The following KIAA0408 variants were observed in gnomAD, a reference collection of about 807,000 sequenced individuals.
KIAA0408 encodes the protein KIAA0408.
A neutral mutation model predicts 60.9 loss-of-function variants in KIAA0408; 51 were observed. That is an observed-to-expected ratio of 0.84 (90% CI 0.67 to 1.06). The LOEUF (loss-of-function observed/expected upper bound fraction) is 1.06, where lower values mean the gene tolerates loss of function less well. Among genes scored for constraint, KIAA0408 ranks in the 50% least tolerant of loss-of-function variants. KIAA0408 has a pLI of 0.00. For synonymous variants in KIAA0408, 304 were observed against 282.4 expected (o/e 1.08, Z -0.77); for missense variants, 787 against 833.9 (o/e 0.94, Z 0.69).
At position 127,459,325 on chromosome 6, in the gene KIAA0408, C is replaced by G. The variant is rs959524295; in HGVS notation, c.-271G>C. 1.3e-5 allele frequency: 2 copies of G among 152,196 alleles called. No homozygotes were observed. The highest frequency in any genetic ancestry group is 6.5e-5 in the Admixed American group (1 of 15,272). The allele number at this position is 152,196 out of a possible 1,614,324, so 9.4% of individuals were successfully genotyped here. ...AAAGGGGATGCAAAATAAGTCCAAC[C>G]ATTCCACAGAGCAGTACTGACAAGT... is the stretch of plus-strand genomic sequence containing the variant. On this transcript the variant is annotated 5_prime_UTR_variant, in exon 1 of 6. It removes an upstream start codon present in the reference 5' UTR. Transcript: ENST00000483725.
Position 127,447,503 on chromosome 6 carries a change from G to T in KIAA0408, c.816C>A (p.Ser272Arg). 1 of 1,612,328 alleles carries T rather than the reference G, an allele frequency of 6.2e-7. No homozygotes were observed. Among genetic ancestry groups the T allele is most frequent in the Non-Finnish European group, 8.5e-7 (1 of 1,179,550 alleles). ...NETPPVPPPR[S>R]TSRNFPSSDS... The stretch of plus-strand genomic sequence containing the variant: ...CCGAGCTGGGAAAATTTCGAGAGGT[G>T]CTTCTTGGAGGAGGAACTGGTGGAG... The change falls in exon 5 of 6, where the codon AGC (serine) becomes AGA (arginine). Residue 272 changes from serine (S) to arginine (R), a missense_variant. Ser to Arg is a moderately radical substitution (Grantham distance 110). Coordinates refer to ENST00000483725, the MANE Select transcript of KIAA0408 (RefSeq NM_014702.5).
At chr6:127,452,784 TCC>T (rs1773323516) in intron 2 of KIAA0408, among the ~76,000 whole-genome samples, 2 of 152,080 alleles carry the variant, frequency 1.3e-5, no homozygotes, top group Non-Finnish European at 2.9e-5. Context: ...GTTGATCCAA[TCC>T]GAGTATGGGT....
At chr6:127,444,375 G>T in intron 5 of KIAA0408, 93 bp from the exon 6 acceptor site, 2 of 960,368 alleles carry the variant, frequency 2.1e-6, no homozygotes, top group Non-Finnish European at 2.9e-6. Context: ...TAGTCCGTTA[G>T]TAAATTTACA....
chr6:127,452,116 A>G (rs1294307286), intron 2 of KIAA0408, among the ~76,000 whole-genome samples: 3 of 152,174 alleles, frequency 2.0e-5, no homozygotes, highest in Non-Finnish European at 2.9e-5. Flanking sequence ...GCATCTTAAT[A>G]GCCAACACTG....
chr6:127,442,253 T>A lies in KIAA0408; in HGVS notation c.*1856A>T, dbSNP rs186472469. 18 of 152,240 alleles carry A rather than the reference T, an allele frequency of 1.2e-4. No homozygotes were observed. Among genetic ancestry groups the A allele is most frequent in the African/African-American group, 4.1e-4 (17 of 41,452 alleles). The allele number at this position is 152,240 out of a possible 1,614,324, so 9.4% of individuals were successfully genotyped here. On this transcript the variant is annotated 3_prime_UTR_variant, in exon 6 of 6. Coordinates refer to ENST00000483725, the MANE Select transcript of KIAA0408 (RefSeq NM_014702.5). ...TCATACCAGACTACTTGGGATACAC[T>A]GGTGGAGAGGAACAGATAGGTTGCA...
chr6:127,447,823 G>GT (rs1476309119), intron 4 of KIAA0408, 83 bp from the exon 5 acceptor site: 1 of 1,434,260 alleles, frequency 7.0e-7, no homozygotes, highest in Middle Eastern at 2.0e-4. Flanking sequence ...AAAGCAATGA[G>GT]TTTCTGCTAT....
chr6:127,449,123 G>T (rs557720422), intron 4 of KIAA0408, among the ~76,000 whole-genome samples: 1 of 152,076 alleles, frequency 6.6e-6, no homozygotes, highest in African/African-American at 2.4e-5. Context: ...TAAGCAAAAC[G>T]CCACACTGTT....
chr6:127,447,810 G>T, intron 4 of KIAA0408, 70 bp from the exon 5 acceptor site: 1 of 1,455,880 alleles, frequency 6.9e-7, no homozygotes, highest in South Asian at 1.6e-5. Flanking sequence ...AGCAAACATA[G>T]CTAAAGCAAT....
In KIAA0408 at chr6:127,443,881, C is replaced by A; in HGVS notation, c.*228G>T. ...TATACAATATTGTACATTGTTTCAACTTATATTGTATTGGAAAACTAATGA... is the reference window on the plus strand; with the variant it reads ...TATACAATATTGTACATTGTTTCAAATTATATTGTATTGGAAAACTAATGA... On this transcript the variant is annotated 3_prime_UTR_variant, in exon 6 of 6. Transcript: ENST00000483725. 6.0e-6 allele frequency: 3 copies of A among 500,880 alleles called. No homozygotes were observed. In the South Asian group the frequency reaches 6.9e-5, roughly 12 times the overall value. 31.0% of individuals were successfully genotyped at this position (500,880 alleles called of 1,614,324 possible). A position where few individuals can be genotyped will look rare whatever the true frequency, so the allele number is the denominator to read the frequency against.
In KIAA0408 at chr6:127,447,074, T is replaced by TA. The variant is rs2114792921; in HGVS notation, c.1244dup (p.Ala416SerfsTer5). The TA allele has an allele frequency of 6.2e-7, 1 of 1,613,926 alleles. No homozygotes were observed. Among genetic ancestry groups the TA allele is most frequent in the East Asian group, 2.2e-5 (1 of 44,886 alleles). On this transcript the variant is annotated frameshift_variant, in exon 5 of 6. Coordinates refer to ENST00000483725, the MANE Select transcript of KIAA0408 (RefSeq NM_014702.5). LOFTEE classifies it high-confidence loss of function. ...TTCTAAGTGGGCTACTGCTCTCTGC[T>TA]ACTGAGGAGCTACAGTCATTACTTA... is the stretch of plus-strand genomic sequence containing the variant.
chr6:127,458,518 A>G (rs2114810309), intron 1 of KIAA0408, among the ~76,000 whole-genome samples: 1 of 152,340 alleles, frequency 6.6e-6, no homozygotes, highest in African/African-American at 2.4e-5. Context: ...TCCAAGCTGT[A>G]TGCACACTGA....
Position 127,440,198 on chromosome 6 carries a change from G to A in KIAA0408, c.*3911C>T, listed in dbSNP as rs1030463408. ...TGAATATGCATACAATAAAAATGACGAGAAATCATTTTTGGTACTTGTCTG... is the reference window on the plus strand; with the variant it reads ...TGAATATGCATACAATAAAAATGACAAGAAATCATTTTTGGTACTTGTCTG... On this transcript the variant is annotated 3_prime_UTR_variant, in exon 6 of 6. Transcript: ENST00000483725. 1 of 151,946 alleles carries A rather than the reference G, an allele frequency of 6.6e-6. No homozygotes were observed. Among genetic ancestry groups the A allele is most frequent in the Non-Finnish European group, 1.5e-5 (1 of 67,986 alleles). 9.4% of individuals were successfully genotyped at this position (151,946 alleles called of 1,614,324 possible).
In KIAA0408 at chr6:127,447,151, A is replaced by G. The variant is rs778104905; in HGVS notation, c.1168T>C (p.Tyr390His). Residue 390 changes from tyrosine (Y) to histidine (H), a missense_variant, in exon 5 of 6, where the codon TAT (tyrosine) becomes CAT (histidine). Around this residue, in one of 3 missense-constraint regions of KIAA0408, gnomAD observed 640 missense variants for 681.3 expected, o/e 0.94. Coordinates refer to ENST00000483725, the MANE Select transcript of KIAA0408 (RefSeq NM_014702.5). Reference sequence around the variant, plus strand: ...GGGTGATCTGGGATCACCATTTCATATTTTGGATTACTGGGGGTAGAGCAG... The same window carrying G: ...GGGTGATCTGGGATCACCATTTCATGTTTTGGATTACTGGGGGTAGAGCAG... ...KTCSTPSNPK[Y>H]EMVIPDHPAK... The G allele has an allele frequency of 1.2e-5, 19 of 1,613,622 alleles. No homozygotes were observed. Among genetic ancestry groups the G allele is most frequent in the Admixed American group, 1.7e-5 (1 of 59,948 alleles).
chr6:127,446,278 A>C (rs1773191378), intron 5 of KIAA0408, 130 bp downstream of exon 5: 1 of 1,439,976 alleles, frequency 6.9e-7, no homozygotes, highest in Admixed American at 2.3e-5. Context: ...ATTTACAAAC[A>C]GGGTCAAGAG....
At chr6:127,451,124 T>G in intron 2 of KIAA0408, 1 of 342,482 alleles carries the variant, frequency 2.9e-6, no homozygotes, top group East Asian at 7.7e-5. Context: ...AATGGCTTTC[T>G]CTTTAGGCTT....
intron 2 of KIAA0408, among the ~76,000 whole-genome samples, chr6:127,453,577 T>A (rs1395442113): frequency 6.6e-6 from 1 of 152,064 alleles, no homozygotes; most frequent in Non-Finnish European, 1.5e-5. Flanking sequence ...TACCTCACTT[T>A]TGATAAAAAA....
chr6:127,454,143 T>C, intron 1 of KIAA0408, 42 bp from the exon 2 acceptor site: 1 of 1,292,310 alleles, frequency 7.7e-7, no homozygotes, highest in Non-Finnish European at 9.8e-7. Flanking sequence ...ATCCATGTGC[T>C]TTCTGGAAAT....
chr6:127,445,317 T>C (rs2114789425), intron 5 of KIAA0408, among the ~76,000 whole-genome samples: 1 of 152,304 alleles, frequency 6.6e-6, no homozygotes, highest in South Asian at 2.1e-4. Context: ...AGAATTTTGT[T>C]TGGTTATTGT....
Position 127,447,555 on chromosome 6 carries a change from T to A in KIAA0408, c.764A>T (p.Asp255Val). 1.9e-6 allele frequency: 3 copies of A among 1,611,312 alleles called. No individual in the cohort carries two copies. The highest frequency in any genetic ancestry group is 2.5e-6 in the Non-Finnish European group (3 of 1,179,282). The change falls in exon 5 of 6, where the codon GAT becomes GTT. Residue 255 changes from aspartate (D) to valine (V), a missense_variant. Transcript: ENST00000483725. The part of the protein sequence containing the change: ...QSNSTKKCGI[D>V]TIDLKRNETP... ...TTCATTTCTTTTTAAATCGATTGTA[T>A]CAATTCCACATTTTTTCGTAGAATT...
Sources: gnomAD v4.1 joint callset for allele counts (sites outside exome capture counted in the v4.1 genomes callset) on GRCh38, gnomAD v4.1.1 for gene constraint, gnomAD v4.1.1 regional missense constraint, MANE v1.5 for transcripts, NCBI Gene and HGNC (gene_info 2026-07-23, HGNC 2026-07-21) for gene names.